MGAT4C: variants seen among roughly 807,000 people sequenced by gnomAD.
The protein encoded by MGAT4C is MGAT4 family member C, also known as alpha-1,3-mannosyl-glycoprotein 4-beta-N-acetylglucosaminyltransferase C.
A neutral mutation model predicts 40.1 loss-of-function variants in MGAT4C; 19 were observed. That is an observed-to-expected ratio of 0.47 (90% confidence interval 0.33 to 0.70). MGAT4C has a LOEUF of 0.70. Ranked by LOEUF, MGAT4C falls within the 30% of genes least tolerant of loss-of-function variation. The pLI is 0.02. For synonymous variants in MGAT4C, 181 were observed against 187.1 expected, an observed-to-expected ratio of 0.97 and a Z score of 0.27; for missense variants, 491 against 563.2, an observed-to-expected ratio of 0.87 and a Z score of 1.30.
At chr12:86,028,169 T>C (rs1890408924) in intron 2 of MGAT4C, 8 of 1,288,204 alleles carry the variant, frequency 6.2e-6, no homozygotes, top group African/African-American at 4.6e-5. Flanking sequence ...AATCTGACCA[T>C]GTCCTTCCCA....
chr12:86,049,576 A>G (rs1379007945), intron 2 of MGAT4C, 98 bp downstream of exon 2: 1 of 465,548 alleles, frequency 2.1e-6, no homozygotes, highest in African/African-American at 2.1e-5. Context: ...AGGCATGTGT[A>G]GCTACTCCAG....
intron 2 of MGAT4C, among the ~76,000 whole-genome samples, chr12:86,529,786 T>C (rs1177898934): frequency 6.6e-6 from 1 of 151,962 alleles, no homozygotes; most frequent in African/African-American, 2.4e-5. Context: ...CCTTAGAATA[T>C]ATATGGTAGT....
chr12:86,094,419 A>G (rs947412582), intron 1 of MGAT4C, among the ~76,000 whole-genome samples: 3 of 152,184 alleles, frequency 2.0e-5, no homozygotes, highest in Non-Finnish European at 2.9e-5. Flanking sequence ...AAACTGTTGT[A>G]TCTTCGTAAA....
intron 1 of MGAT4C, among the ~76,000 whole-genome samples, chr12:86,132,512 G>T (rs1310376632): frequency 6.6e-6 from 1 of 152,032 alleles, no homozygotes; most frequent in Non-Finnish European, 1.5e-5. Context: ...AAAAACTGAC[G>T]GCTGGGCGCG....
rs186114574 is a variant in MGAT4C, at chr12:86,308,346, T to G, written c.-57+25719A>C. On this transcript the variant is annotated intron_variant, in intron 4 of 7. Transcript: ENST00000548651. ...ACAAATAAAACAGCAACACTATTCC[T>G]GCTGTGCTGAGAGTTTTTATATCAG... is the stretch of plus-strand genomic sequence containing the variant. Among the ~76,000 whole-genome samples, 9 of 150,802 alleles carry G rather than the reference T, an allele frequency of 6.0e-5. 1 individual carries two copies. Among genetic ancestry groups the G allele is most frequent in the African/African-American group, 2.2e-4 (9 of 40,160 alleles).
intron 2 of MGAT4C, among the ~76,000 whole-genome samples, chr12:86,473,810 T>C (rs182240047): frequency 3.0e-4 from 46 of 152,266 alleles, no homozygotes; most frequent in African/African-American, 1.1e-3. Flanking sequence ...CTTTAATAAG[T>C]AATTGCAAGT....
At chr12:85,995,117 C>A (rs538724072) in intron 2 of MGAT4C, among the ~76,000 whole-genome samples, 5 of 152,126 alleles carry the variant, frequency 3.3e-5, no homozygotes, top group African/African-American at 1.2e-4. Flanking sequence ...TAATATTGGA[C>A]AACAGGCAGC....
chr12:86,755,288 C>T (rs1391267849), intron 1 of MGAT4C, among the ~76,000 whole-genome samples: 1 of 152,020 alleles, frequency 6.6e-6, no homozygotes, highest in African/African-American at 2.4e-5. Flanking sequence ...GTTGTTAGCC[C>T]CACAACCATA....
chr12:86,559,671 T>C (rs1351894879), intron 2 of MGAT4C, among the ~76,000 whole-genome samples: 1 of 151,946 alleles, frequency 6.6e-6, no homozygotes, highest in Non-Finnish European at 1.5e-5. Flanking sequence ...AAGGGACTTT[T>C]ATAAGAATAA....
chr12:86,292,262 T>C (rs1443842127), intron 4 of MGAT4C, among the ~76,000 whole-genome samples: 1 of 152,050 alleles, frequency 6.6e-6, no homozygotes, highest in African/African-American at 2.4e-5. Flanking sequence ...TGAAAAATTA[T>C]AATTTTATAA....
At chr12:86,449,031 G>T (rs558408128) in intron 2 of MGAT4C, among the ~76,000 whole-genome samples, 2 of 152,242 alleles carry the variant, frequency 1.3e-5, no homozygotes, top group South Asian at 4.1e-4. Context: ...TCTTGTCACT[G>T]AAAAGAGAGC....
intron 1 of MGAT4C, among the ~76,000 whole-genome samples, chr12:86,108,269 G>T (rs559021586): frequency 6.6e-6 from 1 of 152,086 alleles, no homozygotes; most frequent in East Asian, 1.9e-4. Flanking sequence ...TTAAAATAGA[G>T]ATTATAAGAC....
chr12:86,090,921 T>C (rs1296473108), intron 1 of MGAT4C, among the ~76,000 whole-genome samples: 1 of 151,920 alleles, frequency 6.6e-6, no homozygotes, highest in Non-Finnish European at 1.5e-5. Context: ...TAATTTACCA[T>C]TTAAGAAGAA....
chr12:86,109,242 A>G (rs540393453), intron 1 of MGAT4C, among the ~76,000 whole-genome samples: 2 of 152,270 alleles, frequency 1.3e-5, no homozygotes, highest in African/African-American at 4.8e-5. Context: ...TGTAATAACA[A>G]CAACAACAAA....
At chr12:86,523,662 A>G (rs189307181) in intron 2 of MGAT4C, among the ~76,000 whole-genome samples, 44 of 152,076 alleles carry the variant, frequency 2.9e-4, no homozygotes, top group Non-Finnish European at 6.3e-4. Flanking sequence ...TTTTGCCTCA[A>G]TGATCTAATT....
At chr12:86,418,670 G>A (rs1428976793) in intron 3 of MGAT4C, among the ~76,000 whole-genome samples, 1 of 152,022 alleles carries the variant, frequency 6.6e-6, no homozygotes, top group Non-Finnish European at 1.5e-5. Flanking sequence ...AAGTGAATAA[G>A]TGAAAGTATA....
chr12:86,701,890 T>A (rs772946782), intron 2 of MGAT4C, among the ~76,000 whole-genome samples: 4 of 152,112 alleles, frequency 2.6e-5, no homozygotes, highest in Non-Finnish European at 5.9e-5. Flanking sequence ...GGGTTAGAGG[T>A]TGGCTCATGA....
intron 1 of MGAT4C, among the ~76,000 whole-genome samples, chr12:86,049,989 T>C (rs1259077473): frequency 6.6e-6 from 1 of 151,960 alleles, no homozygotes; most frequent in South Asian, 2.1e-4. Context: ...ATTTGAATTA[T>C]ATATAACATA....
chr12:86,210,153 T>G (rs545715326), intron 1 of MGAT4C, among the ~76,000 whole-genome samples: 21 of 152,326 alleles, frequency 1.4e-4, no homozygotes, highest in Admixed American at 1.2e-3. Context: ...CGTGGTCTTT[T>G]TACACACAGA....
Sources: gnomAD v4.1 joint callset for allele counts (sites outside exome capture counted in the v4.1 genomes callset) on GRCh38, gnomAD v4.1.1 for gene constraint, MANE v1.5 for transcripts, NCBI Gene and HGNC (gene_info 2026-07-23, HGNC 2026-07-21) for gene names.